CADM2: variants seen among roughly 807,000 people sequenced by gnomAD.
The protein encoded by CADM2 is immunoglobulin superfamily member 4D.
A neutral mutation model predicts 49.8 loss-of-function variants in CADM2; 12 were observed. That is an observed-to-expected ratio of 0.24 (90% CI 0.15 to 0.39). The LOEUF (loss-of-function observed/expected upper bound fraction) is 0.39, where lower values mean the gene tolerates loss of function less well. Ranked by LOEUF, CADM2 falls within the 10% of genes least tolerant of loss-of-function variation. The pLI is 1.00. For synonymous variants in CADM2, 214 were observed against 175.4 expected, an observed-to-expected ratio of 1.22 and a Z score of -1.74; for missense variants, 378 against 492.3, an observed-to-expected ratio of 0.77 and a Z score of 2.20.
At chr3:85,834,337 T>A (rs1577432238) in intron 3 of CADM2, among the ~76,000 whole-genome samples, 1 of 151,628 alleles carries the variant, frequency 6.6e-6, no homozygotes, top group South Asian at 2.1e-4. Flanking sequence ...AATCAAAGAC[T>A]GTCATGAAGC....
At chr3:85,971,076 C>T (rs894538412) in intron 8 of CADM2, among the ~76,000 whole-genome samples, 4 of 151,460 alleles carry the variant, frequency 2.6e-5, no homozygotes, top group Non-Finnish European at 5.9e-5. Context: ...TGTTCACTGA[C>T]GTTAATATTT....
intron 1 of CADM2, among the ~76,000 whole-genome samples, chr3:85,301,410 A>G (rs1404166153): frequency 1.3e-5 from 2 of 152,028 alleles, no homozygotes; most frequent in African/African-American, 2.4e-5. Flanking sequence ...TGAGATTATA[A>G]ATAGAAAGTT....
intron 1 of CADM2, among the ~76,000 whole-genome samples, chr3:85,057,112 T>G (rs2107428459): frequency 6.6e-6 from 1 of 152,252 alleles, no homozygotes; most frequent in East Asian, 1.9e-4. Flanking sequence ...ACAGATTTCT[T>G]AAACAGATGA....
chr3:85,400,584 T>C (rs535057307), intron 1 of CADM2, among the ~76,000 whole-genome samples: 1 of 152,220 alleles, frequency 6.6e-6, no homozygotes, highest in South Asian at 2.1e-4. Flanking sequence ...GGTCCTGGAC[T>C]TTTTTTGGTT....
At chr3:85,209,572 C>T (rs1017019591) in intron 1 of CADM2, among the ~76,000 whole-genome samples, 1 of 152,060 alleles carries the variant, frequency 6.6e-6, no homozygotes, top group African/African-American at 2.4e-5. Flanking sequence ...ATTTCCCCCT[C>T]ATTTGACCTC....
At position 86,073,537 on chromosome 3, in the gene CADM2, CTT is replaced by C. The variant is rs1486459917; in HGVS notation, c.*6755_*6756del. 6.6e-6 allele frequency: 1 copy of C among 151,964 alleles called. No homozygotes were observed. The highest frequency in any genetic ancestry group is 2.4e-5 in the African/African-American group (1 of 41,436). 9.4% of individuals were successfully genotyped at this position (151,964 alleles called of 1,614,324 possible). A position where few individuals can be genotyped will look rare whatever the true frequency, so the allele number is the denominator to read the frequency against. ...CGCTTAAAATATGTCATGTACAACT[CTT>C]ATAAACATTTTTACAGGGTTCCCAT... On this transcript the variant is annotated 3_prime_UTR_variant, in exon 10 of 10. Transcript: ENST00000383699.
At chr3:85,366,475 A>G (rs1476116985) in intron 1 of CADM2, among the ~76,000 whole-genome samples, 1 of 152,216 alleles carries the variant, frequency 6.6e-6, no homozygotes, top group Non-Finnish European at 1.5e-5. Flanking sequence ...CAATGCAGTC[A>G]GAATGTTGTT....
At chr3:85,008,764 G>A (rs1353606650) in intron 1 of CADM2, among the ~76,000 whole-genome samples, 1 of 151,936 alleles carries the variant, frequency 6.6e-6, no homozygotes, top group Non-Finnish European at 1.5e-5. Flanking sequence ...AATTTATATG[G>A]CCTTGCATAC....
At chr3:85,332,210 C>T (rs185790582) in intron 1 of CADM2, among the ~76,000 whole-genome samples, 1 of 152,046 alleles carries the variant, frequency 6.6e-6, no homozygotes, top group Admixed American at 6.6e-5. Context: ...TAAAACTAGT[C>T]AATAGTGGAA....
At chr3:85,596,051 G>T (rs72911212) in intron 1 of CADM2, among the ~76,000 whole-genome samples, 6,216 of 151,544 alleles carry the variant, frequency 0.041, 424 homozygotes, top group African/African-American at 0.14. Context: ...ATTACTATAT[G>T]ATTTATCATG....
At chr3:85,519,733 G>C (rs2060988544) in intron 1 of CADM2, among the ~76,000 whole-genome samples, 1 of 152,204 alleles carries the variant, frequency 6.6e-6, no homozygotes, top group African/African-American at 2.4e-5. Context: ...ATGACATTGA[G>C]TTAATTATAG....
At chr3:86,010,318 G>A (rs1400903792) in intron 8 of CADM2, among the ~76,000 whole-genome samples, 1 of 151,694 alleles carries the variant, frequency 6.6e-6, no homozygotes, top group Admixed American at 6.6e-5. Flanking sequence ...TTCCCATGTA[G>A]GAGTAAACTT....
At chr3:85,406,568 A>G (rs957521448) in intron 1 of CADM2, among the ~76,000 whole-genome samples, 4 of 152,136 alleles carry the variant, frequency 2.6e-5, no homozygotes, top group African/African-American at 9.7e-5. Flanking sequence ...TGTTTAATGT[A>G]TTAATTGCTT....
At chr3:85,403,575 T>C (rs528201813) in intron 1 of CADM2, among the ~76,000 whole-genome samples, 1 of 152,248 alleles carries the variant, frequency 6.6e-6, no homozygotes, top group African/African-American at 2.4e-5. Flanking sequence ...GAGATCTTGC[T>C]CTTAATAAGG....
intron 1 of CADM2, among the ~76,000 whole-genome samples, 157 bp downstream of exon 1, chr3:84,959,825 T>A (rs185869658): frequency 2.7e-3 from 403 of 151,930 alleles, no homozygotes; most frequent in African/African-American, 8.6e-3. Context: ...GCAGTGGCAG[T>A]TTGCACCAGC....
chr3:85,017,631 G>A (rs183520694), intron 1 of CADM2, among the ~76,000 whole-genome samples: 42 of 152,062 alleles, frequency 2.8e-4, no homozygotes, highest in African/African-American at 9.2e-4. Context: ...TGCCAACCAC[G>A]CTTTCATACA....
At chr3:85,755,026 A>T (rs1457296227) in intron 2 of CADM2, among the ~76,000 whole-genome samples, 1 of 152,222 alleles carries the variant, frequency 6.6e-6, no homozygotes, top group Non-Finnish European at 1.5e-5. Flanking sequence ...ACCATATTTG[A>T]TGTTTTTTAC....
intron 1 of CADM2, among the ~76,000 whole-genome samples, chr3:85,614,824 C>G (rs1414466611): frequency 6.6e-6 from 1 of 151,932 alleles, no homozygotes; most frequent in Non-Finnish European, 1.5e-5. Context: ...ATTGCTACTT[C>G]ACTTTTTGGT....
At chr3:85,795,240 AGACCTT>A (rs1303830129) in intron 2 of CADM2, among the ~76,000 whole-genome samples, 3 of 152,166 alleles carry the variant, frequency 2.0e-5, no homozygotes, top group Non-Finnish European at 2.9e-5. Flanking sequence ...GATTGAATGG[AGACCTT>A]GAACCATGAA....
Sources: gnomAD v4.1 joint callset for allele counts (sites outside exome capture counted in the v4.1 genomes callset) on GRCh38, gnomAD v4.1.1 for gene constraint, MANE v1.5 for transcripts, NCBI Gene and HGNC (gene_info 2026-07-23, HGNC 2026-07-21) for gene names.